Variants in DLG2 observed in about 807,000 individuals in gnomAD.
DLG2 encodes the protein discs large MAGUK scaffold protein 2, also known as disks large homolog 2.
Under a neutral mutation model 132.5 loss-of-function variants are expected in DLG2, and 45 were observed. The ratio of observed to expected loss-of-function variants is 0.34; its 90% CI spans 0.27 to 0.44. The LOEUF (loss-of-function observed/expected upper bound fraction) is 0.44. Among genes scored for constraint, DLG2 ranks in the 20% least tolerant of loss-of-function variants. DLG2 has a pLI of 1.00. For synonymous variants in DLG2, 424 were observed against 419.6 expected, an observed-to-expected ratio of 1.01 and a Z score of -0.13; for missense variants, 1,045 against 1,196.9, an observed-to-expected ratio of 0.87 and a Z score of 1.87.
chr11:84,990,540 G>A (rs556290459), intron 6 of DLG2, among the ~76,000 whole-genome samples: 2 of 152,084 alleles, frequency 1.3e-5, no homozygotes, highest in South Asian at 2.1e-4. Context: ...TCAAAACTAC[G>A]AGAAATAAAT....
At chr11:85,112,481 G>C (rs1185085375) in intron 5 of DLG2, among the ~76,000 whole-genome samples, 1 of 151,908 alleles carries the variant, frequency 6.6e-6, no homozygotes, top group East Asian at 1.9e-4. Flanking sequence ...CCAAAAGGGG[G>C]GGAAAGATTT....
intron 7 of DLG2, among the ~76,000 whole-genome samples, chr11:84,314,409 A>T (rs985390209): frequency 6.6e-6 from 1 of 152,226 alleles, no homozygotes; most frequent in African/African-American, 2.4e-5. Context: ...ACATGAATAC[A>T]TATAGGTACA....
chr11:85,485,796 C>G (rs989010274), intron 3 of DLG2, among the ~76,000 whole-genome samples: 1 of 152,198 alleles, frequency 6.6e-6, no homozygotes, highest in Non-Finnish European at 1.5e-5. Flanking sequence ...GGGGAACCCA[C>G]ATGGAGTCCC....
intron 7 of DLG2, among the ~76,000 whole-genome samples, chr11:84,351,580 T>C (rs866607551): frequency 1.3e-5 from 2 of 152,208 alleles, no homozygotes; most frequent in African/African-American, 2.4e-5. Flanking sequence ...ATAACAGCAT[T>C]TGATTTATTG....
At chr11:83,847,931 A>G (rs1017169154) in intron 16 of DLG2, among the ~76,000 whole-genome samples, 7 of 152,174 alleles carry the variant, frequency 4.6e-5, no homozygotes, top group Non-Finnish European at 8.8e-5. Flanking sequence ...TGTTCTATGT[A>G]TCTGTTTGCC....
At chr11:84,585,799 G>C (rs1256692178) in intron 6 of DLG2, among the ~76,000 whole-genome samples, 1 of 152,174 alleles carries the variant, frequency 6.6e-6, no homozygotes, top group Non-Finnish European at 1.5e-5. Context: ...ACTAGAAATA[G>C]CAGTGCCTTG....
chr11:84,356,811 A>T (rs181724051), intron 7 of DLG2, among the ~76,000 whole-genome samples: 1 of 152,174 alleles, frequency 6.6e-6, no homozygotes, highest in East Asian at 1.9e-4. Flanking sequence ...ATTTAGACAG[A>T]GGGACCTGGA....
At chr11:84,457,836 T>G (rs2099069495) in intron 7 of DLG2, among the ~76,000 whole-genome samples, 1 of 150,968 alleles carries the variant, frequency 6.6e-6, no homozygotes, top group South Asian at 2.1e-4. Context: ...AAATACCAAT[T>G]TTTACATTGC....
intron 3 of DLG2, among the ~76,000 whole-genome samples, chr11:85,305,574 G>A (rs995012677): frequency 1.1e-4 from 17 of 151,974 alleles, no homozygotes; most frequent in Admixed American, 9.2e-4. Context: ...GTGCAGTGGC[G>A]CGATCTCGGC....
chr11:84,840,143 G>GA (rs1413172531), intron 6 of DLG2, among the ~76,000 whole-genome samples: 16 of 152,100 alleles, frequency 1.1e-4, no homozygotes, highest in African/African-American at 3.6e-4. Context: ...AAATTTACAA[G>GA]AAAAAATCAA....
intron 16 of DLG2, among the ~76,000 whole-genome samples, chr11:83,853,770 T>C (rs1357952528): frequency 6.6e-6 from 1 of 152,036 alleles, no homozygotes; most frequent in East Asian, 1.9e-4. Context: ...ACAGCTAATA[T>C]CATGCCTAAT....
chr11:83,985,756 A>G (rs1204906454), intron 11 of DLG2, among the ~76,000 whole-genome samples: 1 of 152,098 alleles, frequency 6.6e-6, no homozygotes, highest in Non-Finnish European at 1.5e-5. Context: ...CCAGTCTATC[A>G]TTGATTGGCA....
intron 19 of DLG2, among the ~76,000 whole-genome samples, chr11:83,594,043 AT>A (rs1273798695): frequency 1.3e-5 from 2 of 152,236 alleles, no homozygotes; most frequent in Non-Finnish European, 2.9e-5. Flanking sequence ...AGGCCCTTAG[AT>A]TTGCTTAGCC....
chr11:84,941,654 C>T (rs557888831), intron 6 of DLG2, among the ~76,000 whole-genome samples: 4 of 150,258 alleles, frequency 2.7e-5, no homozygotes, highest in Non-Finnish European at 5.9e-5. Context: ...ATTTTTACAT[C>T]AATATTAATT....
At chr11:84,338,607 G>A (rs1053767098) in intron 7 of DLG2, among the ~76,000 whole-genome samples, 6 of 151,958 alleles carry the variant, frequency 3.9e-5, no homozygotes, top group Middle Eastern at 3.2e-3. Context: ...GGAGTATCAC[G>A]AAGTCAGGAG....
intron 3 of DLG2, among the ~76,000 whole-genome samples, chr11:85,405,917 G>T (rs1441895804): frequency 6.6e-6 from 1 of 151,938 alleles, no homozygotes; most frequent in Non-Finnish European, 1.5e-5. Context: ...TTTAAAGTTA[G>T]ATTATCAAGA....
chr11:84,534,321 T>A (rs1253366150), intron 7 of DLG2, among the ~76,000 whole-genome samples: 2 of 152,204 alleles, frequency 1.3e-5, no homozygotes, highest in African/African-American at 2.4e-5. Flanking sequence ...AGTGTTTCAC[T>A]CTTGGCGCTT....
chr11:84,599,310 G>A (rs969634698), intron 6 of DLG2, among the ~76,000 whole-genome samples: 1 of 152,016 alleles, frequency 6.6e-6, no homozygotes, highest in Non-Finnish European at 1.5e-5. Flanking sequence ...GTTTTACGAG[G>A]GACTATGAAA....
At chr11:83,555,752 G>C (rs2096502325) in intron 19 of DLG2, among the ~76,000 whole-genome samples, 1 of 152,132 alleles carries the variant, frequency 6.6e-6, no homozygotes, top group Admixed American at 6.5e-5. Flanking sequence ...AAGAATTTTG[G>C]GTCTACTTAA....
Sources: gnomAD v4.1 joint callset for allele counts (sites outside exome capture counted in the v4.1 genomes callset) on GRCh38, gnomAD v4.1.1 for gene constraint, MANE v1.5 for transcripts, NCBI Gene and HGNC (gene_info 2026-07-23, HGNC 2026-07-21) for gene names.